SULF2: variants seen among roughly 807,000 people sequenced by gnomAD.
The protein encoded by SULF2 is extracellular sulfatase Sulf-2.
A neutral mutation model predicts 107.7 loss-of-function variants in SULF2; 52 were observed. The ratio of observed to expected loss-of-function variants is 0.48; its 90% CI spans 0.39 to 0.61. The LOEUF (loss-of-function observed/expected upper bound fraction) is 0.61. Among genes scored for constraint, SULF2 ranks in the 20% least tolerant of loss-of-function variants. SULF2 has a pLI of 0.00. For synonymous variants in SULF2, 460 were observed against 464.3 expected (o/e 0.99, Z 0.12); for missense variants, 993 against 1,177.3 (o/e 0.84, Z 2.29).
chr20:47,772,837 G>C (rs1442806696), intron 1 of SULF2, among the ~76,000 whole-genome samples: 2 of 152,212 alleles, frequency 1.3e-5, no homozygotes, highest in Admixed American at 6.5e-5. Flanking sequence ...GAGGCCACCG[G>C]TCTGGCACAA....
intron 3 of SULF2, among the ~76,000 whole-genome samples, chr20:47,727,611 A>G (rs1207050377): frequency 6.6e-6 from 1 of 152,158 alleles, no homozygotes; most frequent in African/African-American, 2.4e-5. Context: ...TCGGCCTCAC[A>G]TCAGCTTCCT....
chr20:47,757,486 G>C (rs1400796669), intron 1 of SULF2, 23 bp from the exon 2 acceptor site: 65 of 1,189,590 alleles, frequency 5.5e-5, no homozygotes, highest in Non-Finnish European at 6.7e-5. Context: ...GAAGAATCAG[G>C]TCAATATTTA....
intron 3 of SULF2, among the ~76,000 whole-genome samples, chr20:47,730,214 C>T (rs1364003111): frequency 6.6e-6 from 1 of 152,164 alleles, no homozygotes; most frequent in Non-Finnish European, 1.5e-5. Flanking sequence ...AAGGCCTGGT[C>T]TTGTAAGGAG....
rs6018637 is a variant in SULF2, at chr20:47,684,060, G to A, written c.888+371C>T. On this transcript the variant is annotated intron_variant, in intron 6 of 20. Transcript: ENST00000688720. ...TGGGGTAAGAAAAATGTCCTAACAT[G>A]GATGTGGTGATGGTTATACAACTCT... Among the ~76,000 whole-genome samples the A allele has an allele frequency of 9.1e-3, 1,386 of 152,286 alleles. 21 individuals carry two copies. Among genetic ancestry groups the A allele is most frequent in the African/African-American group, 0.03 (1,244 of 41,550 alleles).
At chr20:47,741,764 A>G (rs2089888531) in intron 2 of SULF2, among the ~76,000 whole-genome samples, 1 of 152,184 alleles carries the variant, frequency 6.6e-6, no homozygotes, top group Non-Finnish European at 1.5e-5. Flanking sequence ...CCCTGCAGAA[A>G]GGACAAAAGC....
intron 4 of SULF2, among the ~76,000 whole-genome samples, chr20:47,696,531 ATTCAT>A (rs1206198152): frequency 6.6e-6 from 1 of 152,172 alleles, no homozygotes; most frequent in Non-Finnish European, 1.5e-5. Context: ...TACTGTACAT[ATTCAT>A]TTATCTATCT....
chr20:47,676,316 C>A (rs2087638473), intron 10 of SULF2, among the ~76,000 whole-genome samples, 178 bp downstream of exon 10: 1 of 152,226 alleles, frequency 6.6e-6, no homozygotes, highest in Admixed American at 6.5e-5. Flanking sequence ...AGAAATGAAT[C>A]ACTTATTGTG....
intron 3 of SULF2, among the ~76,000 whole-genome samples, chr20:47,713,385 G>A (rs1023191995): frequency 2.6e-5 from 4 of 152,170 alleles, no homozygotes; most frequent in African/African-American, 9.7e-5. Flanking sequence ...CACCAGTGCC[G>A]AGGTTGTGAA....
chr20:47,739,622 G>T lies in SULF2; in HGVS notation c.176-2680C>A, dbSNP rs144396476. 2.1e-3 allele frequency among the ~76,000 whole-genome samples: 323 copies of T among 152,190 alleles called. 1 individual carries two copies. Among genetic ancestry groups the T allele is most frequent in the Admixed American group, 3.7e-3 (57 of 15,290 alleles). ...ATAGCACTCTCCACTCTGCTTCCCCGCTCCGTGTCTCTCCACAGCAGTTAC... is the reference window on the plus strand; with the variant it reads ...ATAGCACTCTCCACTCTGCTTCCCCTCTCCGTGTCTCTCCACAGCAGTTAC... On this transcript the variant is annotated intron_variant, in intron 2 of 20. Transcript: ENST00000688720.
intron 17 of SULF2, 111 bp from the exon 18 acceptor site, chr20:47,662,007 GGGCT>G (rs1434557369): frequency 8.4e-7 from 1 of 1,196,490 alleles, no homozygotes; most frequent in African/African-American, 1.5e-5. Context: ...AAGGTGCTAG[GGGCT>G]GGTGACCTGT....
chr20:47,728,513 C>G (rs1434691608), intron 3 of SULF2, among the ~76,000 whole-genome samples: 1 of 151,954 alleles, frequency 6.6e-6, no homozygotes, highest in Admixed American at 6.5e-5. Flanking sequence ...CTGGCGGGGA[C>G]AGAATGTGGA....
chr20:47,713,453 T>G (rs6090719), intron 3 of SULF2, among the ~76,000 whole-genome samples: 108,642 of 152,020 alleles, frequency 0.71, 39,220 homozygotes, highest in Middle Eastern at 0.84. Context: ...AACGACAGGG[T>G]TGCAGTGTGG....
At chr20:47,706,837 T>C (rs1440680802) in intron 3 of SULF2, 1 of 152,180 alleles carries the variant, frequency 6.6e-6, no homozygotes, top group Non-Finnish European at 1.5e-5. Flanking sequence ...TTCACCAGAT[T>C]CATCAGAGTG....
chr20:47,689,727 AG>A (rs2088133007), intron 5 of SULF2: 1 of 160,100 alleles, frequency 6.2e-6, no homozygotes, highest in African/African-American at 2.4e-5. Flanking sequence ...GGCTTAGCAC[AG>A]CACCTGCTAC....
At chr20:47,771,529 C>A (rs2090630239) in intron 1 of SULF2, among the ~76,000 whole-genome samples, 2 of 152,332 alleles carry the variant, frequency 1.3e-5, no homozygotes, top group South Asian at 2.1e-4. Flanking sequence ...AGGCCCCAAC[C>A]TCCCCCAGCT....
chr20:47,707,349 A>G (rs1467432869), intron 3 of SULF2, among the ~76,000 whole-genome samples: 1 of 152,080 alleles, frequency 6.6e-6, no homozygotes, highest in Non-Finnish European at 1.5e-5. Context: ...TTCGCCCTTT[A>G]GAAATGCAAT....
At chr20:47,764,594 T>G (rs755974899) in intron 1 of SULF2, among the ~76,000 whole-genome samples, 1 of 152,160 alleles carries the variant, frequency 6.6e-6, no homozygotes, top group Non-Finnish European at 1.5e-5. Flanking sequence ...TCCTGGAGGC[T>G]GGAGGAGACT....
intron 1 of SULF2, among the ~76,000 whole-genome samples, chr20:47,763,320 C>A (rs6018676): frequency 0.54 from 82,191 of 151,644 alleles, 23,861 homozygotes; most frequent in African/African-American, 0.78. Flanking sequence ...GCCGATCTGC[C>A]AAGAGGAACG....
chr20:47,755,038 A>C (rs775988909), intron 2 of SULF2, among the ~76,000 whole-genome samples: 1 of 151,890 alleles, frequency 6.6e-6, no homozygotes, highest in African/African-American at 2.4e-5. Flanking sequence ...GGGTCTCACT[A>C]TGTTGCCCAG....
Sources: allele counts gnomAD v4.1 joint callset (sites outside exome capture counted in the v4.1 genomes callset), GRCh38; gene constraint gnomAD v4.1.1; transcripts MANE v1.5; gene names NCBI Gene and HGNC (gene_info 2026-07-23, HGNC 2026-07-21).